The following FARS2 variants were observed in gnomAD, a reference collection of about 807,000 sequenced individuals.
The protein encoded by FARS2 is phenylalanine--tRNA ligase, mitochondrial.
A neutral mutation model predicts 46.4 loss-of-function variants in FARS2; 40 were observed. The observed-to-expected ratio is 0.86, with a 90% CI of 0.67 to 1.12. The LOEUF is 1.12. Ranked by LOEUF, FARS2 falls within the 50% of genes most tolerant of loss-of-function variation. FARS2 has a pLI of 0.00. For missense variants in FARS2, 513 were observed against 567.9 expected (o/e 0.90, Z 0.98); for synonymous variants, 234 against 214.9 (o/e 1.09, Z -0.78).
At chr6:5,618,027 A>G (rs1299664583) in intron 6 of FARS2, among the ~76,000 whole-genome samples, 1 of 152,214 alleles carries the variant, frequency 6.6e-6, no homozygotes, top group South Asian at 2.1e-4. Context: ...GTGGGTCATA[A>G]GATTTCTCTC....
rs574425556 is a variant in FARS2 at position 5,267,982 on chromosome 6, T to C, written c.-22+6322T>C. Among the ~76,000 whole-genome samples, 7 of 152,184 alleles carry C rather than the reference T, an allele frequency of 4.6e-5. No individual in the cohort carries two copies. The South Asian group carries it at 1.4e-3, about 32-fold the overall frequency. On this transcript the variant is annotated intron_variant, in intron 1 of 6. Coordinates refer to ENST00000274680, the MANE Select transcript of FARS2 (RefSeq NM_006567.5). ...TGATGAGCATTTTTTCATGTGTTTT[T>C]TGGCTGCATAAATGTCTTCTTTTGA... is the stretch of plus-strand genomic sequence containing the variant.
chr6:5,413,542 T>C (rs1385687062), intron 3 of FARS2, among the ~76,000 whole-genome samples: 1 of 152,194 alleles, frequency 6.6e-6, no homozygotes, highest in Non-Finnish European at 1.5e-5. Flanking sequence ...GAAAGCTCAA[T>C]TTCCTGATTG....
chr6:5,665,077 A>C (rs1043385191), intron 6 of FARS2: 13 of 152,260 alleles, frequency 8.5e-5, no homozygotes, highest in Admixed American at 7.2e-4. Context: ...AGCTCCTCAC[A>C]AAGAGCTTTC....
At chr6:5,736,467 TCTC>T (rs140044117) in intron 6 of FARS2, among the ~76,000 whole-genome samples, 1 of 151,840 alleles carries the variant, frequency 6.6e-6, no homozygotes, top group Non-Finnish European at 1.5e-5. Flanking sequence ...CTGAGAGAAT[TCTC>T]CTCCTCCTCC....
intron 2 of FARS2, among the ~76,000 whole-genome samples, chr6:5,398,150 G>T (rs1343133540): frequency 6.6e-6 from 1 of 152,138 alleles, no homozygotes; most frequent in African/African-American, 2.4e-5. Context: ...GATACTTTGA[G>T]ACTGTGTAAA....
chr6:5,582,867 G>A (rs1170754231), intron 5 of FARS2, among the ~76,000 whole-genome samples: 1 of 152,208 alleles, frequency 6.6e-6, no homozygotes, highest in Admixed American at 6.5e-5. Flanking sequence ...TGTTCAACTT[G>A]CAGGTTCCAT....
chr6:5,260,858 C>A, upstream of FARS2: 2 of 1,484,996 alleles, frequency 1.3e-6, no homozygotes, highest in Non-Finnish European at 1.8e-6. Flanking sequence ...GCTTTGCCAG[C>A]GGGCCGGGCC....
chr6:5,369,500 TTAA>T (rs1758904968), intron 2 of FARS2, among the ~76,000 whole-genome samples: 6 of 152,174 alleles, frequency 3.9e-5, no homozygotes, highest in Non-Finnish European at 5.9e-5. Context: ...AAATTCACCT[TTAA>T]TCCAGGATGG....
chr6:5,497,255 G>C (rs1444300776), intron 4 of FARS2, among the ~76,000 whole-genome samples: 1 of 152,202 alleles, frequency 6.6e-6, no homozygotes, highest in Non-Finnish European at 1.5e-5. Context: ...AAATGACTGA[G>C]TCCACATGAG....
intron 6 of FARS2, chr6:5,694,774 A>C (rs572623722): frequency 6.8e-6 from 1 of 147,166 alleles, no homozygotes; most frequent in Admixed American, 7.1e-5. Flanking sequence ...AGGCCTAGGC[A>C]GGAGGATTGC....
At chr6:5,250,530 A>T in the FARS2 span, among the ~76,000 whole-genome samples, 6 of 151,812 alleles carry the variant, frequency 4.0e-5, no homozygotes, top group African/African-American at 1.5e-4. Flanking sequence ...AGAGAAAAAA[A>T]TGTTTTTTGG....
intron 6 of FARS2, among the ~76,000 whole-genome samples, chr6:5,666,099 T>C (rs1239822837): frequency 6.6e-6 from 1 of 152,196 alleles, no homozygotes; most frequent in Admixed American, 6.5e-5. Context: ...TTGAAAAGAC[T>C]ATGGTATTTA....
chr6:5,457,560 A>G (rs924742704), intron 4 of FARS2, among the ~76,000 whole-genome samples: 2 of 152,196 alleles, frequency 1.3e-5, no homozygotes, highest in African/African-American at 2.4e-5. Context: ...ATTTGAGAAT[A>G]TTTTTAAACT....
chr6:5,593,766 A>G (rs1774051332), intron 5 of FARS2, among the ~76,000 whole-genome samples: 1 of 152,232 alleles, frequency 6.6e-6, no homozygotes, highest in Non-Finnish European at 1.5e-5. Flanking sequence ...CGAATTTTTT[A>G]TGGCATTTCG....
chr6:5,418,169 A>C (rs1345895881), intron 3 of FARS2, among the ~76,000 whole-genome samples: 2 of 152,098 alleles, frequency 1.3e-5, no homozygotes, highest in African/African-American at 4.8e-5. Context: ...ACTAATTCTG[A>C]CATCTGTCAT....
intron 5 of FARS2, among the ~76,000 whole-genome samples, chr6:5,571,439 G>A (rs17140870): frequency 0.19 from 29,636 of 152,168 alleles, 5,142 homozygotes; most frequent in African/African-American, 0.45. Context: ...ACCAACGCAC[G>A]TGGAGAATCC....
At chr6:5,462,651 A>G (rs1582179097) in intron 4 of FARS2, among the ~76,000 whole-genome samples, 1 of 152,186 alleles carries the variant, frequency 6.6e-6, no homozygotes, top group South Asian at 2.1e-4. Flanking sequence ...GTCCTTCCCC[A>G]TTGAATTGCC....
intron 5 of FARS2, among the ~76,000 whole-genome samples, chr6:5,597,268 G>A (rs1774253463): frequency 6.6e-6 from 1 of 152,188 alleles, no homozygotes; most frequent in African/African-American, 2.4e-5. Flanking sequence ...TGGATGGAAG[G>A]TGTGGCTGTC....
intron 4 of FARS2, among the ~76,000 whole-genome samples, chr6:5,498,769 T>C (rs1308444279): frequency 5.3e-5 from 8 of 152,212 alleles, no homozygotes; most frequent in Non-Finnish European, 8.8e-5. Flanking sequence ...GATAGGAGCA[T>C]GAAGAGAAGG....
Sources: gnomAD v4.1 joint callset for allele counts (sites outside exome capture counted in the v4.1 genomes callset) on GRCh38, gnomAD v4.1.1 for gene constraint, MANE v1.5 for transcripts, NCBI Gene and HGNC (gene_info 2026-07-23, HGNC 2026-07-21) for gene names.